Variants in TECTB observed in about 807,000 individuals in gnomAD.
TECTB encodes tectorin beta, also known as beta-tectorin.
In TECTB, 45 loss-of-function variants were observed where a neutral mutation model predicts 43.3. The observed-to-expected ratio is 1.04, with a 90% confidence interval of 0.82 to 1.33. The LOEUF (loss-of-function observed/expected upper bound fraction) is 1.33, where lower values mean the gene tolerates loss of function less well. Ranked by LOEUF, TECTB falls within the 40% of genes most tolerant of loss-of-function variation. TECTB has a pLI of 0.00. For synonymous variants in TECTB, 169 were observed against 156.7 expected (o/e 1.08, Z -0.59); for missense variants, 399 against 404.7 (o/e 0.99, Z 0.12).
chr10:112,301,048 G>A (rs10787437), intron 9 of TECTB, among the ~76,000 whole-genome samples: 1 of 152,112 alleles, frequency 6.6e-6, no homozygotes, highest in East Asian at 1.9e-4. Flanking sequence ...TTGTGGCCTG[G>A]GAATTAAGAA....
At chr10:112,286,612 G>A (rs1221947958) in intron 5 of TECTB, among the ~76,000 whole-genome samples, 1 of 152,174 alleles carries the variant, frequency 6.6e-6, no homozygotes, top group Non-Finnish European at 1.5e-5. Context: ...AAAGGTATAA[G>A]ATATAAGCTA....
intron 6 of TECTB, 61 bp from the exon 7 acceptor site, chr10:112,293,917 C>T (rs1157764818): frequency 6.2e-7 from 1 of 1,604,800 alleles, no homozygotes. Flanking sequence ...TTTTAATCAT[C>T]AGATGTTTGT....
intron 5 of TECTB, among the ~76,000 whole-genome samples, chr10:112,289,217 T>G (rs776216300): frequency 2.6e-5 from 4 of 152,212 alleles, no homozygotes; most frequent in Non-Finnish European, 5.9e-5. Context: ...AAGTGGAAAC[T>G]CTGAGGGCTT....
intron 5 of TECTB, among the ~76,000 whole-genome samples, chr10:112,290,789 A>C (rs1268031231): frequency 2.6e-5 from 4 of 152,230 alleles, no homozygotes; most frequent in Admixed American, 2.0e-4. Flanking sequence ...TTATCCAATT[A>C]TTGCAGTCAT....
At chr10:112,302,763 T>C (rs1848623602) in intron 10 of TECTB, 1 of 175,868 alleles carries the variant, frequency 5.7e-6, no homozygotes, top group South Asian at 1.8e-4. Flanking sequence ...ATGTGTAGAG[T>C]ATTTGGGGTT....
chr10:112,302,110 T>A lies in TECTB; in HGVS notation c.917T>A (p.Phe306Tyr). 2 of 1,614,108 alleles carry A rather than the reference T, an allele frequency of 1.2e-6. No homozygotes were observed. Among genetic ancestry groups the A allele is most frequent in the Non-Finnish European group, 1.7e-6 (2 of 1,179,972 alleles). ...TCTTTACTCACTACAGGCAGGGGATTTTCCAGTCTCTATAGCTTCTCAGGT... is the reference window on the plus strand; with the variant it reads ...TCTTTACTCACTACAGGCAGGGGATATTCCAGTCTCTATAGCTTCTCAGGT... ...VVELSLRSRG[F>Y]SSLYSFSDVL... The change falls in exon 10 of 11, where the codon TTT (phenylalanine) becomes TAT (tyrosine). Residue 306 changes from phenylalanine to tyrosine, a missense_variant. Transcript: ENST00000646139.
At chr10:112,283,592 A>T (rs1848430083) in intron 1 of TECTB, 56 bp from the exon 2 acceptor site, 3 of 700,702 alleles carry the variant, frequency 4.3e-6, no homozygotes, top group Non-Finnish European at 7.1e-6. Context: ...CCAAGACTGT[A>T]TGTGCGGCTT....
chr10:112,295,637 C>T (rs1435018912), intron 7 of TECTB, among the ~76,000 whole-genome samples: 2 of 152,234 alleles, frequency 1.3e-5, no homozygotes, highest in African/African-American at 4.8e-5. Flanking sequence ...TTCATTCAGC[C>T]TCTGTTAGCA....
intron 5 of TECTB, among the ~76,000 whole-genome samples, chr10:112,291,697 A>T (rs1430595314): frequency 6.6e-6 from 1 of 152,256 alleles, no homozygotes; most frequent in Non-Finnish European, 1.5e-5. Context: ...CCTATTACAT[A>T]AAGTCACAAA....
intron 5 of TECTB, among the ~76,000 whole-genome samples, chr10:112,293,122 T>C (rs1360523519): frequency 6.6e-6 from 1 of 152,258 alleles, no homozygotes; most frequent in African/African-American, 2.4e-5. Context: ...ATTTACTTAC[T>C]TACTGTTTGT....
intron 9 of TECTB, among the ~76,000 whole-genome samples, chr10:112,300,279 A>AAAGAAAGAAAGGAAAG (rs1361291056): frequency 8.3e-5 from 4 of 48,360 alleles, no homozygotes; most frequent in Non-Finnish European, 1.2e-4. Context: ...AGAAAGAAAG[A>AAAGAAAGAAAGGAAAG]AAAGAAAGAA....
rs1042294627 is a variant in TECTB, at chr10:112,301,547, A to T, written c.908-554A>T. On this transcript the variant is annotated intron_variant, in intron 9 of 10. Transcript: ENST00000646139. Reference sequence around the variant, plus strand: ...TACAGGTGGATTTGTGGTAGCAGAGATGGGATGGCCTGCAAAGCTGACAAA... The same window carrying T: ...TACAGGTGGATTTGTGGTAGCAGAGTTGGGATGGCCTGCAAAGCTGACAAA... Among the ~76,000 whole-genome samples the T allele has an allele frequency of 2.0e-5, 3 of 152,136 alleles. No individual in the cohort carries two copies. The South Asian group carries it at 6.2e-4, about 32-fold the overall frequency.
chr10:112,286,265 G>T, intron 4 of TECTB, 52 bp downstream of exon 4: 1 of 1,613,436 alleles, frequency 6.2e-7, no homozygotes, highest in Non-Finnish European at 8.5e-7. Flanking sequence ...TGTACTGCAG[G>T]TCCTATCAAT....
intron 3 of TECTB, among the ~76,000 whole-genome samples, chr10:112,284,999 T>C (rs780754661): frequency 6.6e-6 from 1 of 152,196 alleles, no homozygotes; most frequent in Non-Finnish European, 1.5e-5. Flanking sequence ...ATTTCCCACC[T>C]TCAAGTTCTG....
intron 8 of TECTB, among the ~76,000 whole-genome samples, chr10:112,298,433 A>G (rs1190643082): frequency 6.6e-6 from 1 of 152,180 alleles, no homozygotes; most frequent in African/African-American, 2.4e-5. Flanking sequence ...AACAACCCAC[A>G]TGGTCTGGCA....
At chr10:112,302,358 C>G (rs773165186) in intron 10 of TECTB, 7 of 477,024 alleles carry the variant, frequency 1.5e-5, no homozygotes, top group Non-Finnish European at 2.2e-5. Context: ...TCGGATGAAG[C>G]AGAACTGGAC....
chr10:112,294,793 A>G (rs1345653584), intron 7 of TECTB, among the ~76,000 whole-genome samples: 1 of 152,212 alleles, frequency 6.6e-6, no homozygotes, highest in East Asian at 1.9e-4. Flanking sequence ...ACAAGGTAAT[A>G]AAAAGTAGGG....
chr10:112,300,279 A>AAAAGAAAG (rs71303596), intron 9 of TECTB, among the ~76,000 whole-genome samples: 1,305 of 48,278 alleles, frequency 0.027, 30 homozygotes, highest in East Asian at 0.034. Context: ...AGAAAGAAAG[A>AAAAGAAAG]AAAGAAAGAA....
chr10:112,300,054 C>T (rs183931999), intron 9 of TECTB, among the ~76,000 whole-genome samples: 1 of 150,160 alleles, frequency 6.7e-6, no homozygotes, highest in African/African-American at 2.5e-5. Flanking sequence ...CCCAACTACT[C>T]GGGAGGCTAA....
Sources: allele counts gnomAD v4.1 joint callset (sites outside exome capture counted in the v4.1 genomes callset), GRCh38; gene constraint gnomAD v4.1.1; transcripts MANE v1.5; gene names NCBI Gene and HGNC (gene_info 2026-07-23, HGNC 2026-07-21).